KIAA1549: variants seen among roughly 807,000 people sequenced by gnomAD.
KIAA1549 encodes the protein UPF0606 protein KIAA1549.
A neutral mutation model predicts 156.4 loss-of-function variants in KIAA1549; 70 were observed. That is an observed-to-expected ratio of 0.45 (90% CI 0.37 to 0.55). KIAA1549 has a LOEUF of 0.55. Ranked by LOEUF, KIAA1549 falls within the 20% of genes least tolerant of loss-of-function variation. KIAA1549 has a pLI of 0.00. For missense variants in KIAA1549, 2,428 were observed against 2,540.9 expected (o/e 0.96, Z 0.96); for synonymous variants, 1,103 against 1,066.4 (o/e 1.03, Z -0.67).
At chr7:138,876,800 G>T (rs2130396059) in intron 12 of KIAA1549, among the ~76,000 whole-genome samples, 1 of 152,322 alleles carries the variant, frequency 6.6e-6, no homozygotes. Flanking sequence ...TAGAATAGCT[G>T]GGAACACAGT....
intron 1 of KIAA1549, among the ~76,000 whole-genome samples, chr7:138,976,361 T>G (rs1814379146): frequency 6.6e-6 from 1 of 152,162 alleles, no homozygotes; most frequent in African/African-American, 2.4e-5. Context: ...GCGCCCGGCC[T>G]CAACATAACG....
chr7:138,941,237 A>G (rs73729972), intron 1 of KIAA1549, among the ~76,000 whole-genome samples: 35,876 of 152,104 alleles, frequency 0.24, 4,926 homozygotes, highest in African/African-American at 0.38. Context: ...TTTCTGTACC[A>G]TTCTTTAAAA....
At chr7:138,876,095 T>C (rs1256610153) in intron 12 of KIAA1549, among the ~76,000 whole-genome samples, 1 of 152,162 alleles carries the variant, frequency 6.6e-6, no homozygotes, top group Admixed American at 6.5e-5. Context: ...TCATCTTCAT[T>C]GTATATCACC....
In KIAA1549 at chr7:138,869,756, C is replaced by A; in HGVS notation, c.4557G>T (p.Gln1519His). 6.2e-7 allele frequency: 1 copy of A among 1,608,626 alleles called. No individual in the cohort carries two copies. Among genetic ancestry groups the A allele is most frequent in the Non-Finnish European group, 8.5e-7 (1 of 1,178,888 alleles). Residue 1519 changes from glutamine to histidine, a missense_variant, in exon 14 of 20, where the codon CAG (glutamine) becomes CAT (histidine). Transcript: ENST00000422774. ...AESNKINKEI[Q>H]TALRHKSEIE... Reference sequence around the variant, plus strand: ...TCTCAGACTTGTGCCGCAGCGCGGTCTGAATCTGAGGAAGGGTGAGGGAGA... The same window carrying A: ...TCTCAGACTTGTGCCGCAGCGCGGTATGAATCTGAGGAAGGGTGAGGGAGA...
At chr7:138,907,198 T>C in intron 5 of KIAA1549, 96 bp from the exon 6 acceptor site, 1 of 1,052,948 alleles carries the variant, frequency 9.5e-7, no homozygotes. Flanking sequence ...ACCGATTTTT[T>C]TAAAGGAGGT....
At chr7:138,840,902 C>T (rs1045978790) in intron 18 of KIAA1549, among the ~76,000 whole-genome samples, 1 of 152,166 alleles carries the variant, frequency 6.6e-6, no homozygotes, top group African/African-American at 2.4e-5. Context: ...CTGATCACTG[C>T]ACTCCTTAAG....
rs1337067529 is a variant in KIAA1549, at chr7:138,838,171, T to C, written c.5599-11A>G. 6 of 1,455,952 alleles carry C rather than the reference T, an allele frequency of 4.1e-6. No homozygotes were observed. Among genetic ancestry groups the C allele is most frequent in the East Asian group, 5.0e-5 (2 of 40,314 alleles). 90.2% of individuals were successfully genotyped at this position (1,455,952 alleles called of 1,614,324 possible). Reference sequence around the variant, plus strand: ...TCCGAGCATGTGTGTCTGAAAAACATGGCAAACGTCACTGTACTTCCTACG... The same window carrying C: ...TCCGAGCATGTGTGTCTGAAAAACACGGCAAACGTCACTGTACTTCCTACG... On this transcript the variant is annotated splice_polypyrimidine_tract_variant and intron_variant, in intron 19 of 19. Coordinates refer to ENST00000422774, the MANE Select transcript of KIAA1549 (RefSeq NM_001164665.2).
At chr7:138,891,554 G>C (rs1811547112) in intron 10 of KIAA1549, among the ~76,000 whole-genome samples, 1 of 152,214 alleles carries the variant, frequency 6.6e-6, no homozygotes, top group African/African-American at 2.4e-5. Context: ...AAACAAGACA[G>C]AATGGCCTCT....
rs374886205 is a variant in KIAA1549, at chr7:138,838,170, A to G, written c.5599-10T>C. On this transcript the variant is annotated splice_polypyrimidine_tract_variant and intron_variant, in intron 19 of 19. Coordinates refer to ENST00000422774, the MANE Select transcript of KIAA1549 (RefSeq NM_001164665.2). The stretch of plus-strand genomic sequence containing the variant: ...GTCCGAGCATGTGTGTCTGAAAAAC[A>G]TGGCAAACGTCACTGTACTTCCTAC... 55 of 1,456,310 alleles carry G rather than the reference A, an allele frequency of 3.8e-5. No individual in the cohort carries two copies. The African/African-American group carries it at 7.4e-4, about 20-fold the overall frequency. The allele number at this position is 1,456,310 out of a possible 1,614,324, so 90.2% of individuals were successfully genotyped here.
intron 9 of KIAA1549, among the ~76,000 whole-genome samples, chr7:138,896,677 C>T (rs1258212678): frequency 1.3e-5 from 2 of 151,752 alleles, no homozygotes; most frequent in East Asian, 3.9e-4. Flanking sequence ...CACTTGCAGC[C>T]GCGACCTCCT....
intron 1 of KIAA1549, among the ~76,000 whole-genome samples, chr7:138,971,339 C>A (rs1481884794): frequency 2.6e-5 from 4 of 152,192 alleles, no homozygotes; most frequent in Non-Finnish European, 5.9e-5. Context: ...CTCCCCCATA[C>A]ATCTCTGTCC....
chr7:138,852,014 A>G (rs1810249099), intron 17 of KIAA1549, among the ~76,000 whole-genome samples: 1 of 152,216 alleles, frequency 6.6e-6, no homozygotes, highest in Non-Finnish European at 1.5e-5. Context: ...TGTCCTCAGC[A>G]GGAGAGTTGG....
In KIAA1549 at chr7:138,917,035, G is replaced by C. The variant is rs1200089654; in HGVS notation, c.2591C>G (p.Thr864Ser). 1 of 1,606,822 alleles carries C rather than the reference G, an allele frequency of 6.2e-7. No individual in the cohort carries two copies. The highest frequency in any genetic ancestry group is 1.7e-5 in the Admixed American group (1 of 59,558). The change falls in exon 2 of 20, where the codon ACC (threonine) becomes AGC (serine). Residue 864 changes from threonine (T) to serine (S), a missense_variant. Physicochemically the swap from Thr to Ser is moderately conservative, Grantham distance 58. Coordinates refer to ENST00000422774, the MANE Select transcript of KIAA1549 (RefSeq NM_001164665.2). ...GGGTGTGAGTGATGGGCCCACGACGGTCAGCTCTGTGGGCAGAGGGAAGGG... is the reference window on the plus strand; with the variant it reads ...GGGTGTGAGTGATGGGCCCACGACGCTCAGCTCTGTGGGCAGAGGGAAGGG... ...ATPFPLPTEL[T>S]VVGPSLTPTE...
intron 4 of KIAA1549, among the ~76,000 whole-genome samples, chr7:138,910,654 T>C (rs1812141887): frequency 6.6e-6 from 1 of 151,188 alleles, no homozygotes; most frequent in Non-Finnish European, 1.5e-5. Flanking sequence ...CGCCTCAGCC[T>C]CTCAAAGTGC....
At chr7:138,914,575 C>T (rs974443714) in intron 2 of KIAA1549, among the ~76,000 whole-genome samples, 1 of 152,182 alleles carries the variant, frequency 6.6e-6, no homozygotes, top group African/African-American at 2.4e-5. Context: ...CCTCACCACA[C>T]TCTCTCACTA....
rs186506715 is a variant in KIAA1549, at chr7:138,916,924, A to G, written c.2702T>C (p.Met901Thr). 8 of 1,612,600 alleles carry G rather than the reference A, an allele frequency of 5.0e-6. No individual in the cohort carries two copies. In the African/African-American group the frequency reaches 9.3e-5, roughly 19 times the overall value. Residue 901 changes from methionine (M) to threonine (T), a missense_variant, in exon 2 of 20, where the codon ATG (methionine) becomes ACG (threonine). Met to Thr is a moderately conservative substitution (Grantham distance 81). Coordinates refer to ENST00000422774, the MANE Select transcript of KIAA1549 (RefSeq NM_001164665.2). ...ATGGPLDSTL[M>T]GDAASQSPPE... ...GGGGCTCTGACTTGCGGCGTCACCC[A>G]TCAGGGTGGAGTCGAGGGGACCACC...
At chr7:138,931,427 A>G (rs765726867) in intron 1 of KIAA1549, among the ~76,000 whole-genome samples, 58 of 152,148 alleles carry the variant, frequency 3.8e-4, no homozygotes, top group Non-Finnish European at 6.8e-4. Flanking sequence ...TTGTTGTTTG[A>G]TATTTTTAAT....
chr7:138,844,090 G>A (rs1184271332), intron 18 of KIAA1549, among the ~76,000 whole-genome samples: 1 of 152,122 alleles, frequency 6.6e-6, no homozygotes. Context: ...GAAGCGTGCC[G>A]TGAATTTCAC....
intron 11 of KIAA1549, 24 bp downstream of exon 11, chr7:138,881,361 GAAT>G (rs763047851): frequency 5.0e-6 from 8 of 1,598,542 alleles, no homozygotes; most frequent in Non-Finnish European, 6.8e-6. Flanking sequence ...CTGCAACAAA[GAAT>G]AATACAGAAA....
Sources: allele counts gnomAD v4.1 joint callset (sites outside exome capture counted in the v4.1 genomes callset), GRCh38; gene constraint gnomAD v4.1.1; transcripts MANE v1.5; gene names NCBI Gene and HGNC (gene_info 2026-07-23, HGNC 2026-07-21).